SARNP: variants seen among roughly 807,000 people sequenced by gnomAD.
SARNP encodes SAP domain containing ribonucleoprotein.
Under a neutral mutation model 38.1 loss-of-function variants are expected in SARNP, and 5 were observed. The observed-to-expected ratio is 0.13, with a 90% CI of 0.07 to 0.28. SARNP has a LOEUF of 0.28. Ranked by LOEUF, SARNP falls within the 10% of genes least tolerant of loss-of-function variation. SARNP has a pLI of 1.00. For synonymous variants in SARNP, 84 were observed against 80.6 expected (o/e 1.04, Z -0.23); for missense variants, 180 against 243.9 (o/e 0.74, Z 1.75).
chr12:55,761,113 T>A (rs1413351989), intron 9 of SARNP, among the ~76,000 whole-genome samples: 3 of 151,892 alleles, frequency 2.0e-5, no homozygotes, highest in Non-Finnish European at 4.4e-5. Context: ...GAGGCAGAAG[T>A]TGCACTGAGC....
chr12:55,795,888 G>T, intron 5 of SARNP, 137 bp downstream of exon 5: 1 of 611,490 alleles, frequency 1.6e-6, no homozygotes. Flanking sequence ...AGCTGGCAGT[G>T]AAACGTATCA....
Position 55,817,650 on chromosome 12 carries a change from C to A in SARNP, c.36+16G>T. ...CCTAGAAAAGTCCAACTCAGCCCTT[C>A]CCCGATTCACGGTACCTTTAGCTTA... On this transcript the variant is annotated intron_variant, in intron 1 of 10. Transcript: ENST00000336133. The A allele has an allele frequency of 6.2e-7, 1 of 1,610,792 alleles. No individual in the cohort carries two copies. The highest frequency in any genetic ancestry group is 8.5e-7 in the Non-Finnish European group (1 of 1,178,438).
chr12:55,764,129 C>G (rs1302968119), intron 9 of SARNP, among the ~76,000 whole-genome samples: 1 of 152,192 alleles, frequency 6.6e-6, no homozygotes, highest in African/African-American at 2.4e-5. Context: ...GTAACAGTAT[C>G]TAGGAAAAGG....
intron 9 of SARNP, among the ~76,000 whole-genome samples, chr12:55,782,157 T>C (rs756739273): frequency 2.6e-5 from 4 of 152,192 alleles, no homozygotes; most frequent in Non-Finnish European, 4.4e-5. Flanking sequence ...GGGCTGGAAG[T>C]AGAAAAACTC....
At chr12:55,781,533 CA>C (rs56737127) in intron 9 of SARNP, among the ~76,000 whole-genome samples, 11,278 of 86,574 alleles carry the variant, frequency 0.13, 563 homozygotes, top group African/African-American at 0.22. Context: ...AACTCCGTCT[CA>C]AAAAAAAAAA....
intron 4 of SARNP, 87 bp from the exon 5 acceptor site, chr12:55,796,163 C>G (rs930557370): frequency 2.2e-5 from 20 of 914,438 alleles, no homozygotes; most frequent in Non-Finnish European, 3.3e-5. Context: ...CCTGAGTCAC[C>G]ATTCTCTGCC....
chr12:55,774,225 TTCCTGGGCTCAAGTGA>T (rs1427414627), intron 9 of SARNP, among the ~76,000 whole-genome samples: 1 of 151,128 alleles, frequency 6.6e-6, no homozygotes, highest in Non-Finnish European at 1.5e-5. Context: ...CTGGTCTCAA[TTCCTGGGCTCAAGTGA>T]TCCTCCCACT....
At chr12:55,775,631 TAAC>T (rs1178176957) in intron 9 of SARNP, among the ~76,000 whole-genome samples, 1 of 151,852 alleles carries the variant, frequency 6.6e-6, no homozygotes, top group African/African-American at 2.4e-5. Flanking sequence ...TTCTAGATCT[TAAC>T]AAGGGACTTC....
chr12:55,770,214 G>C (rs1878964171), intron 9 of SARNP, among the ~76,000 whole-genome samples: 1 of 151,248 alleles, frequency 6.6e-6, no homozygotes, highest in Admixed American at 6.6e-5. Context: ...AGAGTCATCA[G>C]GTTATAACTA....
At chr12:55,798,917 C>T (rs1409318316) in intron 4 of SARNP, among the ~76,000 whole-genome samples, 1 of 152,106 alleles carries the variant, frequency 6.6e-6, no homozygotes, top group Non-Finnish European at 1.5e-5. Context: ...GATAAAATGA[C>T]AGTACATGTA....
At chr12:55,815,878 G>A (rs184888155) in intron 1 of SARNP, 2 of 152,220 alleles carry the variant, frequency 1.3e-5, no homozygotes, top group African/African-American at 4.8e-5. Context: ...CTGGGGAGAG[G>A]GTCCATACCT....
At chr12:55,790,650 C>G (rs1592571428) in intron 7 of SARNP, 58 bp from the exon 8 acceptor site, 3 of 1,406,164 alleles carry the variant, frequency 2.1e-6, no homozygotes, top group East Asian at 5.5e-5. Context: ...AGCCAACAGT[C>G]TTCAAGTCAA....
rs1000186822 is a variant in SARNP, at chr12:55,763,426, C to T, written c.502-2786G>A. 7.2e-5 allele frequency among the ~76,000 whole-genome samples: 11 copies of T among 152,182 alleles called. No individual in the cohort carries two copies. The East Asian group carries it at 1.7e-3, about 24-fold the overall frequency. On this transcript the variant is annotated intron_variant, in intron 9 of 10. Transcript: ENST00000336133. ...TTCCAGGTTCAAGGGATTCTCCCGC[C>T]TCAGCCTCCTGAGTAGCTGGGACTA...
chr12:55,782,409 C>T (rs1463344138), intron 9 of SARNP, among the ~76,000 whole-genome samples: 1 of 152,144 alleles, frequency 6.6e-6, no homozygotes, highest in East Asian at 1.9e-4. Flanking sequence ...GAAGTTTCTC[C>T]TTTCCGAGGG....
chr12:55,817,710 C>G lies in SARNP; in HGVS notation c.-9G>C, dbSNP rs780233312. The G allele has an allele frequency of 1.2e-6, 2 of 1,612,422 alleles. No individual in the cohort carries two copies. Among genetic ancestry groups the G allele is most frequent in the Admixed American group, 1.7e-5 (1 of 59,652 alleles). On this transcript the variant is annotated 5_prime_UTR_variant, in exon 1 of 11. Coordinates refer to ENST00000336133, the MANE Select transcript of SARNP (RefSeq NM_033082.4). ...ACCGTCTCGGTCGCCATCTTGTTAC[C>G]CCTCACTCCACTAGGCCCCCACCCG...
intron 9 of SARNP, among the ~76,000 whole-genome samples, chr12:55,772,802 C>A (rs139327209): frequency 6.6e-6 from 1 of 150,658 alleles, no homozygotes; most frequent in Non-Finnish European, 1.5e-5. Flanking sequence ...ACAACCTTCA[C>A]CTCCCGGGTT....
chr12:55,790,494 G>A, intron 8 of SARNP, 73 bp downstream of exon 8: 1 of 1,455,510 alleles, frequency 6.9e-7, no homozygotes, highest in Non-Finnish European at 9.3e-7. Flanking sequence ...CTAATCTGGG[G>A]AGGAGGAGTC....
At chr12:55,765,457 A>C (rs560399413) in intron 9 of SARNP, among the ~76,000 whole-genome samples, 1 of 150,608 alleles carries the variant, frequency 6.6e-6, no homozygotes, top group South Asian at 2.1e-4. Context: ...TAATCCTCCA[A>C]CCTTAGCCTC....
intron 9 of SARNP, among the ~76,000 whole-genome samples, chr12:55,786,504 C>A (rs1198450283): frequency 6.6e-6 from 1 of 152,142 alleles, no homozygotes; most frequent in African/African-American, 2.4e-5. Flanking sequence ...GGCTGGAGTA[C>A]GGTGGCGCAA....
Sources: allele counts gnomAD v4.1 joint callset (sites outside exome capture counted in the v4.1 genomes callset), GRCh38; gene constraint gnomAD v4.1.1; transcripts MANE v1.5; gene names NCBI Gene and HGNC (gene_info 2026-07-23, HGNC 2026-07-21).